The following CACNB4 variants were observed in gnomAD, a reference collection of about 807,000 sequenced individuals.
CACNB4 encodes the protein voltage-dependent L-type calcium channel subunit beta-4.
A neutral mutation model predicts 71.2 loss-of-function variants in CACNB4; 32 were observed. That is an observed-to-expected ratio of 0.45 (90% confidence interval 0.34 to 0.60). The LOEUF is 0.60. Ranked by LOEUF, CACNB4 falls within the 20% of genes least tolerant of loss-of-function variation. CACNB4 has a pLI of 0.01. For missense variants in CACNB4, 464 were observed against 647.9 expected, an observed-to-expected ratio of 0.72 and a Z score of 3.08; for synonymous variants, 231 against 236.9, an observed-to-expected ratio of 0.97 and a Z score of 0.23.
At chr2:152,067,261 G>A (rs1447879210) in intron 2 of CACNB4, among the ~76,000 whole-genome samples, 1 of 152,166 alleles carries the variant, frequency 6.6e-6, no homozygotes, top group Non-Finnish European at 1.5e-5. Flanking sequence ...TCAGCCCCAA[G>A]GCAGACAGTT....
At position 152,079,314 on chromosome 2, in the gene CACNB4, T is replaced by G. The variant is rs532563933; in HGVS notation, c.147+19016A>C. On this transcript the variant is annotated intron_variant, in intron 2 of 13. Coordinates refer to ENST00000539935, the MANE Select transcript of CACNB4 (RefSeq NM_000726.5). ...CGTGTTAGCCAGGATGGTCTCGATCTCCTGACCTCGTGATCCGCCTGCCTC... is the reference window on the plus strand; with the variant it reads ...CGTGTTAGCCAGGATGGTCTCGATCGCCTGACCTCGTGATCCGCCTGCCTC... Among the ~76,000 whole-genome samples, 23 of 152,014 alleles carry G rather than the reference T, an allele frequency of 1.5e-4. No individual in the cohort carries two copies. In the East Asian group the frequency reaches 4.5e-3, roughly 30 times the overall value.
chr2:152,018,373 T>A (rs1022531338), intron 2 of CACNB4, among the ~76,000 whole-genome samples: 3 of 152,010 alleles, frequency 2.0e-5, no homozygotes, highest in African/African-American at 7.2e-5. Flanking sequence ...CTGAGCCCTC[T>A]ACACACCTGA....
At position 151,870,511 on chromosome 2, in the gene CACNB4, G is replaced by A; in HGVS notation, c.699+20C>T. The A allele has an allele frequency of 6.3e-7, 1 of 1,597,666 alleles. No individual in the cohort carries two copies. Among genetic ancestry groups the A allele is most frequent in the Non-Finnish European group, 8.6e-7 (1 of 1,165,644 alleles). ...TGGGTGCTCGATCAAGAACTGAAGA[G>A]TAACAGATGATATTTGTACCTCGTA... On this transcript the variant is annotated intron_variant, in intron 8 of 13. Coordinates refer to ENST00000539935, the MANE Select transcript of CACNB4 (RefSeq NM_000726.5).
chr2:152,012,558 C>T (rs1683118434), intron 2 of CACNB4, among the ~76,000 whole-genome samples: 1 of 147,560 alleles, frequency 6.8e-6, no homozygotes, highest in African/African-American at 2.5e-5. Context: ...GAGCCAAGAT[C>T]GTGTCACTGT....
chr2:151,984,499 A>G (rs961617946), intron 2 of CACNB4, among the ~76,000 whole-genome samples: 2 of 152,208 alleles, frequency 1.3e-5, no homozygotes, highest in African/African-American at 4.8e-5. Flanking sequence ...ATACTAACAT[A>G]TTAAACAACC....
intron 2 of CACNB4, among the ~76,000 whole-genome samples, chr2:152,069,122 C>T (rs758610193): frequency 6.6e-6 from 1 of 152,164 alleles, no homozygotes; most frequent in Admixed American, 6.5e-5. Flanking sequence ...TTCCCCCTAC[C>T]GCTGTCCAGG....
intron 2 of CACNB4, among the ~76,000 whole-genome samples, chr2:151,933,509 CAGAT>C (rs1464572610): frequency 6.6e-6 from 1 of 151,998 alleles, no homozygotes. Flanking sequence ...CCTCTTGTAA[CAGAT>C]AGAAAAACTG....
At chr2:152,033,195 G>A (rs1265178194) in intron 2 of CACNB4, among the ~76,000 whole-genome samples, 1 of 151,988 alleles carries the variant, frequency 6.6e-6, no homozygotes, top group Admixed American at 6.6e-5. Context: ...ATGAGGAGAA[G>A]CGGGGTGGGG....
chr2:152,056,770 A>T (rs901202107), intron 2 of CACNB4, among the ~76,000 whole-genome samples: 7 of 152,178 alleles, frequency 4.6e-5, no homozygotes, highest in African/African-American at 1.7e-4. Flanking sequence ...CCCATTCAGG[A>T]TGTCTGAAAT....
At chr2:151,839,762 TTC>T (rs2099835689) in intron 13 of CACNB4, among the ~76,000 whole-genome samples, 1 of 152,234 alleles carries the variant, frequency 6.6e-6, no homozygotes, top group African/African-American at 2.4e-5. Flanking sequence ...CATTTATTAT[TTC>T]TCTCTTGAAT....
intron 2 of CACNB4, among the ~76,000 whole-genome samples, chr2:152,083,316 A>C (rs1410068602): frequency 6.6e-6 from 1 of 150,930 alleles, no homozygotes; most frequent in Non-Finnish European, 1.5e-5. Context: ...CTGCAAAAAG[A>C]AAGCAAGCAA....
intron 2 of CACNB4, among the ~76,000 whole-genome samples, chr2:151,956,204 G>A (rs1295768896): frequency 6.6e-6 from 1 of 152,186 alleles, no homozygotes; most frequent in Non-Finnish European, 1.5e-5. Context: ...TGTGACTGGT[G>A]AAGAAATTTA....
intron 2 of CACNB4, chr2:151,972,990 T>C (rs1056171574): frequency 2.6e-5 from 4 of 152,248 alleles, no homozygotes; most frequent in Non-Finnish European, 5.9e-5. Flanking sequence ...ATTTCAGGGA[T>C]TTCAGGAAAT....
At chr2:152,031,516 G>A (rs1277902084) in intron 2 of CACNB4, among the ~76,000 whole-genome samples, 1 of 152,114 alleles carries the variant, frequency 6.6e-6, no homozygotes, top group Non-Finnish European at 1.5e-5. Flanking sequence ...CTGTACTGTG[G>A]CCCCTCTGCA....
chr2:151,912,254 A>G (rs1171298016), intron 2 of CACNB4, among the ~76,000 whole-genome samples: 1 of 151,934 alleles, frequency 6.6e-6, no homozygotes, highest in African/African-American at 2.4e-5. Context: ...TTTAATTGTG[A>G]TGTTAGGGTG....
At chr2:151,913,747 C>CA (rs1409085570) in intron 2 of CACNB4, among the ~76,000 whole-genome samples, 6 of 124,666 alleles carry the variant, frequency 4.8e-5, no homozygotes, top group African/African-American at 1.9e-4. Flanking sequence ...GCCTGGGCGA[C>CA]AGAGCGAGAC....
chr2:152,084,718 G>A (rs890341170), intron 2 of CACNB4, among the ~76,000 whole-genome samples: 5 of 151,738 alleles, frequency 3.3e-5, no homozygotes, highest in Non-Finnish European at 7.4e-5. Context: ...CAAGCAATCC[G>A]CCTGCCTCAG....
chr2:151,942,919 CCTTATCAGTAGTTCTG>C (rs1361575542), intron 2 of CACNB4, among the ~76,000 whole-genome samples: 1 of 152,044 alleles, frequency 6.6e-6, no homozygotes. Context: ...GAACATAGAC[CCTTATCAGTAGTTCTG>C]CTTTTTCCCT....
intron 2 of CACNB4, chr2:151,962,953 A>AG (rs1455691633): frequency 1.3e-5 from 2 of 152,166 alleles, no homozygotes; most frequent in African/African-American, 4.8e-5. Context: ...ACCACTCTTC[A>AG]GGTTTATTCC....
Sources: allele counts gnomAD v4.1 joint callset (sites outside exome capture counted in the v4.1 genomes callset), GRCh38; gene constraint gnomAD v4.1.1; transcripts MANE v1.5; gene names NCBI Gene and HGNC (gene_info 2026-07-23, HGNC 2026-07-21).